Variants in EGFL6 observed in about 807,000 individuals in gnomAD.
EGFL6 encodes epidermal growth factor-like protein 6.
Under a neutral mutation model 43.1 loss-of-function variants are expected in EGFL6, and 42 were observed. The ratio of observed to expected loss-of-function variants is 0.98; its 90% CI spans 0.76 to 1.26. The LOEUF is 1.26. Among genes scored for constraint, EGFL6 ranks in the 50% most tolerant of loss-of-function variants. The pLI, the probability that EGFL6 is intolerant of heterozygous loss-of-function variation, is 0.00. For missense variants in EGFL6, 429 were observed against 427.8 expected (o/e 1.00, Z -0.02); for synonymous variants, 164 against 163.2 (o/e 1.01, Z -0.04).
intron 8 of EGFL6, among the ~76,000 whole-genome samples, chrX:13,618,356 TG>T (rs778085478): frequency 6.2e-5 from 7 of 112,718 alleles, no homozygotes; most frequent in Admixed American, 5.6e-4. Context: ...GCAAGGGCAG[TG>T]GTTTGGCTGC....
chrX:13,617,665 G>C, intron 7 of EGFL6, 65 bp from the exon 8 acceptor site: 1 of 985,241 alleles, frequency 1.0e-6, no homozygotes. Flanking sequence ...CTTTTTAAAT[G>C]CTCCATTTTG....
At chrX:13,619,104 C>T (rs952779691) in intron 8 of EGFL6, 59 bp from the exon 9 acceptor site, 34 of 914,786 alleles carry the variant, frequency 3.7e-5, no homozygotes, top group Non-Finnish European at 5.4e-5. Context: ...TTGATTGATA[C>T]CTTCTGAGCA....
At chrX:13,597,412 T>C (rs2045604097) in intron 3 of EGFL6, among the ~76,000 whole-genome samples, 1 of 112,094 alleles carries the variant, frequency 8.9e-6, no homozygotes, top group Non-Finnish European at 1.9e-5. Flanking sequence ...CTCTGCGTCC[T>C]GCCACCAGCA....
chrX:13,585,902 A>G (rs1334954744), intron 1 of EGFL6, among the ~76,000 whole-genome samples: 1 of 111,651 alleles, frequency 9.0e-6, no homozygotes, highest in Non-Finnish European at 1.9e-5. Context: ...TGTTAAAGGA[A>G]GAGGTAAAAG....
chrX:13,574,633 G>A (rs1364879837), intron 1 of EGFL6: 1 of 110,219 alleles, frequency 9.1e-6, no homozygotes, highest in Non-Finnish European at 1.9e-5. Flanking sequence ...AAGAAGAGGA[G>A]ATTAGGGCCT....
At chrX:13,626,122 ATCTGAAATTCAAAC>A (rs2045779536) in intron 10 of EGFL6, among the ~76,000 whole-genome samples, 1 of 111,066 alleles carries the variant, frequency 9.0e-6, no homozygotes. Flanking sequence ...CATGTACTTT[ATCTGAAATTCAAAC>A]TCCACTGGGC....
rs969736936 is a variant in EGFL6 at position 13,569,721 on chromosome X, A to G, written c.-141A>G. 1.8e-5 allele frequency: 11 copies of G among 598,546 alleles called. No individual in the cohort carries two copies. The African/African-American group carries it at 2.2e-4, about 12-fold the overall frequency. 49.3% of individuals were successfully genotyped at this position (598,546 alleles called of 1,213,427 possible). On this transcript the variant is annotated 5_prime_UTR_variant, in exon 1 of 12. Coordinates refer to ENST00000361306, the MANE Select transcript of EGFL6 (RefSeq NM_015507.4). ...TGCCTGGCCTCCCCTCCCAGACTGC[A>G]GGGACAGCACCCGGTAACTGCGAGT...
Position 13,629,005 on chromosome X carries a change from A to G in EGFL6, c.1551+1729A>G, listed in dbSNP as rs773298217. Among the ~76,000 whole-genome samples the G allele has an allele frequency of 4.4e-5, 5 of 112,964 alleles. No individual in the cohort carries two copies. The South Asian group carries it at 1.8e-3, about 41-fold the overall frequency. ...TAACATCTTTTCATTTACATGTCATAGTTTAATTAAAGCAGAACATCTTGT... is the reference window on the plus strand; with the variant it reads ...TAACATCTTTTCATTTACATGTCATGGTTTAATTAAAGCAGAACATCTTGT... On this transcript the variant is annotated intron_variant, in intron 11 of 11. Coordinates refer to ENST00000361306, the MANE Select transcript of EGFL6 (RefSeq NM_015507.4).
chrX:13,623,581 C>A (rs1469606058), intron 9 of EGFL6, among the ~76,000 whole-genome samples: 4 of 106,783 alleles, frequency 3.7e-5, no homozygotes, highest in African/African-American at 1.4e-4. Context: ...ACCATGTTGG[C>A]CAGGCTGGTC....
chrX:13,602,364 G>A (rs2045638426), intron 4 of EGFL6, among the ~76,000 whole-genome samples: 1 of 112,179 alleles, frequency 8.9e-6, no homozygotes, highest in Non-Finnish European at 1.9e-5. Context: ...CTATAAAAAT[G>A]CATTTGTGTA....
At chrX:13,583,467 C>A (rs372671887) in intron 1 of EGFL6, among the ~76,000 whole-genome samples, 3 of 111,635 alleles carry the variant, frequency 2.7e-5, no homozygotes, top group African/African-American at 9.8e-5. Flanking sequence ...TCATATACCT[C>A]CTGTAGTCTC....
intron 1 of EGFL6, among the ~76,000 whole-genome samples, chrX:13,582,190 G>A (rs2045510322): frequency 9.1e-6 from 1 of 109,364 alleles, no homozygotes; most frequent in Non-Finnish European, 1.9e-5. Context: ...AGCCTCCTGA[G>A]TAGCTGGGAC....
Position 13,623,872 on chromosome X carries a change from G to A in EGFL6, c.1232G>A (p.Trp411Ter). ...DCSFNHGICD[W>*]KQDREDDFDW... ...AGCTTCAATCATGGGATCTGTGACT[G>A]GAAACAGGATAGAGAAGATGATTTT... Residue 411 changes from tryptophan to a stop codon, truncating the protein, a stop_gained, in exon 10 of 12, where the codon TGG (tryptophan) becomes TAG (stop). Coordinates refer to ENST00000361306, the MANE Select transcript of EGFL6 (RefSeq NM_015507.4). LOFTEE classifies it high-confidence loss of function. 2 of 1,208,876 alleles carry A rather than the reference G, an allele frequency of 1.7e-6. No homozygotes were observed.
intron 1 of EGFL6, among the ~76,000 whole-genome samples, chrX:13,581,438 TA>T (rs201049817): frequency 9.0e-6 from 1 of 111,274 alleles, no homozygotes; most frequent in African/African-American, 3.3e-5. Flanking sequence ...GGAGCTATGA[TA>T]AAAAAAATAA....
chrX:13,625,206 C>G (rs1361394471), intron 10 of EGFL6: 1 of 111,121 alleles, frequency 9.0e-6, no homozygotes, highest in Non-Finnish European at 1.9e-5. Flanking sequence ...CTGCATCATT[C>G]AAATCATACC....
At chrX:13,614,485 T>C (rs1048410106) in intron 7 of EGFL6, among the ~76,000 whole-genome samples, 1 of 112,489 alleles carries the variant, frequency 8.9e-6, no homozygotes. Flanking sequence ...GTTGAATGAA[T>C]GTCAAAGTCA....
chrX:13,627,916 C>T (rs1023528069), intron 11 of EGFL6, among the ~76,000 whole-genome samples: 2 of 112,123 alleles, frequency 1.8e-5, no homozygotes, highest in African/African-American at 6.5e-5. Flanking sequence ...CATGATGACA[C>T]TTACAAAGTA....
chrX:13,613,110 A>C (rs2045700637), intron 7 of EGFL6, among the ~76,000 whole-genome samples: 1 of 105,272 alleles, frequency 9.5e-6, no homozygotes, highest in African/African-American at 3.6e-5. Flanking sequence ...GTACCACTAC[A>C]CTCCAGCCTG....
intron 1 of EGFL6, among the ~76,000 whole-genome samples, chrX:13,586,962 G>C (rs1490661465): frequency 3.6e-5 from 4 of 112,379 alleles, no homozygotes; most frequent in African/African-American, 1.3e-4. Context: ...CTAAGTTAAA[G>C]AAGCCAGATA....
Sources: gnomAD v4.1 joint callset for allele counts (sites outside exome capture counted in the v4.1 genomes callset) on GRCh38, gnomAD v4.1.1 for gene constraint, MANE v1.5 for transcripts, NCBI Gene and HGNC (gene_info 2026-07-23, HGNC 2026-07-21) for gene names.